AKAP19: variants seen among roughly 807,000 people sequenced by gnomAD.
AKAP19 encodes small A-kinase anchoring protein.
the AKAP19 span, chr2:190,057,711 TA>T: frequency 1.3e-6 from 2 of 1,514,930 alleles, no homozygotes; most frequent in Non-Finnish European, 1.8e-6. Flanking sequence ...CTTAAGAAGT[TA>T]TTGTTGAAGT....
chr2:190,017,561 C>T, the AKAP19 span, among the ~76,000 whole-genome samples: 2 of 152,112 alleles, frequency 1.3e-5, no homozygotes, highest in Non-Finnish European at 2.9e-5. Flanking sequence ...TCCCCTCCGC[C>T]ATTTTACATT....
the AKAP19 span, among the ~76,000 whole-genome samples, chr2:190,037,497 A>G: frequency 9.9e-5 from 15 of 152,250 alleles, 1 homozygote; most frequent in Non-Finnish European, 1.8e-4. Context: ...AAAAGCCAAG[A>G]CAACTCACTT....
chr2:189,984,621 C>T, the AKAP19 span, among the ~76,000 whole-genome samples: 1 of 152,240 alleles, frequency 6.6e-6, no homozygotes, highest in African/African-American at 2.4e-5. Flanking sequence ...AAAGTAAAGA[C>T]AGGCATAGGA....
At chr2:190,016,462 C>T in the AKAP19 span, among the ~76,000 whole-genome samples, 1 of 152,204 alleles carries the variant, frequency 6.6e-6, no homozygotes, top group Non-Finnish European at 1.5e-5. Context: ...CCAATCACTT[C>T]CCACCAGGTA....
At chr2:190,099,769 G>A in the AKAP19 span, among the ~76,000 whole-genome samples, 14 of 152,242 alleles carry the variant, frequency 9.2e-5, no homozygotes, top group Non-Finnish European at 1.6e-4. Flanking sequence ...TTCTTGATAA[G>A]TAAATACATT....
the AKAP19 span, among the ~76,000 whole-genome samples, chr2:190,045,656 G>A: frequency 3.2e-4 from 49 of 152,296 alleles, no homozygotes; most frequent in African/African-American, 9.6e-4. Context: ...TAAGGGAGGC[G>A]CAATGCTCCT....
chr2:190,202,671 ATGAC>A, the AKAP19 span: 5 of 167,084 alleles, frequency 3.0e-5, no homozygotes, highest in Non-Finnish European at 7.3e-5. Context: ...TATAAAACAG[ATGAC>A]TGAAAGACTG....
chr2:189,981,670 T>G, the AKAP19 span, among the ~76,000 whole-genome samples: 1 of 152,250 alleles, frequency 6.6e-6, no homozygotes, highest in Non-Finnish European at 1.5e-5. Context: ...TAGAACTATT[T>G]TTAGCATTTC....
the AKAP19 span, among the ~76,000 whole-genome samples, chr2:189,944,534 A>G: frequency 6.6e-6 from 1 of 152,180 alleles, no homozygotes; most frequent in Non-Finnish European, 1.5e-5. Flanking sequence ...CTAATACAAG[A>G]TCAATTTAGC....
the AKAP19 span, among the ~76,000 whole-genome samples, chr2:189,883,981 A>G: frequency 6.6e-6 from 1 of 152,170 alleles, no homozygotes; most frequent in Non-Finnish European, 1.5e-5. Flanking sequence ...TTAAATATTC[A>G]GATAGAATTT....
chr2:190,150,766 CT>C, the AKAP19 span, among the ~76,000 whole-genome samples: 85,851 of 144,322 alleles, frequency 0.59, 29,033 homozygotes, highest in East Asian at 0.87. Context: ...TGATCTCCTG[CT>C]TTTTTTTTTT....
the AKAP19 span, among the ~76,000 whole-genome samples, chr2:189,907,036 A>G: frequency 6.6e-6 from 1 of 152,190 alleles, no homozygotes; most frequent in East Asian, 1.9e-4. Flanking sequence ...CTAGGTTATT[A>G]AAATAGCTTC....
chr2:189,963,107 CT>C, the AKAP19 span, among the ~76,000 whole-genome samples: 1 of 151,966 alleles, frequency 6.6e-6, no homozygotes, highest in Non-Finnish European at 1.5e-5. Flanking sequence ...CAAGTACCCA[CT>C]TTTTTGCTCA....
chr2:190,194,676 G>C, the AKAP19 span, among the ~76,000 whole-genome samples: 1 of 152,152 alleles, frequency 6.6e-6, no homozygotes, highest in Non-Finnish European at 1.5e-5. Context: ...AAAATTGTCT[G>C]TTCCACCTAT....
chr2:189,880,851 A>G, the AKAP19 span, among the ~76,000 whole-genome samples: 2 of 152,224 alleles, frequency 1.3e-5, no homozygotes, highest in Non-Finnish European at 2.9e-5. Context: ...TTAAAATACC[A>G]GTAATGATAC....
At chr2:190,093,339 C>T in the AKAP19 span, among the ~76,000 whole-genome samples, 21 of 151,728 alleles carry the variant, frequency 1.4e-4, no homozygotes, top group African/African-American at 3.1e-4. Context: ...AGGCTGAGGC[C>T]GGAGAATCTC....
chr2:190,037,281 A>G, the AKAP19 span, among the ~76,000 whole-genome samples: 2 of 152,368 alleles, frequency 1.3e-5, no homozygotes, highest in South Asian at 4.1e-4. Flanking sequence ...CAAATGCCAT[A>G]GTCATTCAGA....
chr2:190,090,366 C>G, the AKAP19 span, among the ~76,000 whole-genome samples: 1 of 152,184 alleles, frequency 6.6e-6, no homozygotes, highest in Non-Finnish European at 1.5e-5. Context: ...CTGCCTTGGT[C>G]TCTTGGATTG....
At chr2:190,120,048 A>G in the AKAP19 span, among the ~76,000 whole-genome samples, 3 of 152,262 alleles carry the variant, frequency 2.0e-5, no homozygotes, top group East Asian at 1.9e-4. Context: ...GGGGTCCCCA[A>G]CCCGAGGGCC....
Sources: gnomAD v4.1 joint callset for allele counts (sites outside exome capture counted in the v4.1 genomes callset) on GRCh38, gnomAD v4.1.1 for gene constraint, MANE v1.5 for transcripts, NCBI Gene and HGNC (gene_info 2026-07-23, HGNC 2026-07-21) for gene names.